BRPF3: variants seen among roughly 807,000 people sequenced by gnomAD.
BRPF3 encodes bromodomain and PHD finger containing 3.
A neutral mutation model predicts 102.0 loss-of-function variants in BRPF3; 18 were observed. The ratio of observed to expected loss-of-function variants is 0.18; its 90% CI spans 0.12 to 0.26. BRPF3 has a LOEUF of 0.26. BRPF3 is among the 10% of genes least tolerant of loss of function. The probability of loss-of-function intolerance (pLI) is 1.00; values close to 1 mark genes in which losing one functional copy is unlikely to be tolerated. For missense variants in BRPF3, 1,147 were observed against 1,567.8 expected (o/e 0.73, Z 4.53); for synonymous variants, 570 against 614.2 (o/e 0.93, Z 1.06).
intron 7 of BRPF3, 125 bp from the exon 8 acceptor site, chr6:36,213,755 C>T (rs1375794006): frequency 8.1e-6 from 8 of 983,830 alleles, no homozygotes; most frequent in East Asian, 2.4e-5. Context: ...GATCTAAGAC[C>T]TTGAATGCAT....
chr6:36,225,297 G>A lies in BRPF3; in HGVS notation c.3212G>A (p.Arg1071His), dbSNP rs370467092. The change falls in exon 11 of 13, where the codon CGC (arginine) becomes CAC (histidine). Residue 1071 changes from arginine to histidine, a missense_variant. Around this residue, in one of 11 missense-constraint regions of BRPF3, gnomAD observed 379 missense variants for 426.3 expected, o/e 0.89. Transcript: ENST00000357641. ...AGCCTCCTGCTGCCCTTTGAAGACC[G>A]CGGAGACCTGGAGCCCTTGGAGCTG... is the stretch of plus-strand genomic sequence containing the variant. ...GRSLLLPFED[R>H]GDLEPLELVW... The A allele has an allele frequency of 1.2e-5, 19 of 1,609,830 alleles. No individual in the cohort carries two copies. The highest frequency in any genetic ancestry group is 1.5e-5 in the Non-Finnish European group (18 of 1,179,990).
chr6:36,212,843 C>G (rs886665821), intron 7 of BRPF3, among the ~76,000 whole-genome samples: 1 of 151,974 alleles, frequency 6.6e-6, no homozygotes, highest in African/African-American at 2.4e-5. Flanking sequence ...GTCCCAGCTA[C>G]TGGGGAGGCT....
At chr6:36,225,457 CAG>C (rs1351402557) in intron 11 of BRPF3, 93 bp downstream of exon 11, 2 of 1,176,118 alleles carry the variant, frequency 1.7e-6, no homozygotes, top group African/African-American at 3.0e-5. Context: ...TGGTGGGAGT[CAG>C]AGTGTCTTTA....
chr6:36,204,357 G>A (rs1474330061), intron 2 of BRPF3: 2 of 383,316 alleles, frequency 5.2e-6, no homozygotes, highest in South Asian at 2.5e-5. Context: ...TTGTTTTTCA[G>A]TCCGTACGTG....
At chr6:36,203,414 T>C (rs1402232523) in intron 2 of BRPF3, among the ~76,000 whole-genome samples, 1 of 151,290 alleles carries the variant, frequency 6.6e-6, no homozygotes, top group Admixed American at 6.6e-5. Context: ...TATTTTATTA[T>C]TGCTGTTCTT....
rs2127299592 is a variant in BRPF3, at chr6:36,230,774, C to T, written c.*165C>T. 1.1e-6 allele frequency: 1 copy of T among 870,610 alleles called. No individual in the cohort carries two copies. The highest frequency in any genetic ancestry group is 1.7e-6 in the Non-Finnish European group (1 of 579,862). The allele number at this position is 870,610 out of a possible 1,614,324, so 53.9% of individuals were successfully genotyped here. A position where few individuals can be genotyped will look rare whatever the true frequency, so the allele number is the denominator to read the frequency against. On this transcript the variant is annotated 3_prime_UTR_variant, in exon 13 of 13. Coordinates refer to ENST00000357641, the MANE Select transcript of BRPF3 (RefSeq NM_015695.3). This position sits in a 1 kb window ranked among gnomAD's most constrained non-coding sequence, Gnocchi z 5.4. Reference sequence around the variant, plus strand: ...GGGCAAGGCCCCAGTTTTGACCAATCGCATGGTTCTCCTGGCAGGCCTGCT... The same window carrying T: ...GGGCAAGGCCCCAGTTTTGACCAATTGCATGGTTCTCCTGGCAGGCCTGCT...
In BRPF3 at chr6:36,201,572, A is replaced by G; in HGVS notation, c.1250A>G (p.Asp417Gly). 3.7e-6 allele frequency: 6 copies of G among 1,614,008 alleles called. No homozygotes were observed. The highest frequency in any genetic ancestry group is 5.1e-6 in the Non-Finnish European group (6 of 1,179,936). ...GATGAGGAAGGGCTGAAGGAGGGTGATGGAGAGGAGGAAGAAGAGGAAGAG... is the reference window on the plus strand; with the variant it reads ...GATGAGGAAGGGCTGAAGGAGGGTGGTGGAGAGGAGGAAGAAGAGGAAGAG... ...TGDEEGLKEG[D>G]GEEEEEEEVE... Residue 417 changes from aspartate to glycine, a missense_variant, in exon 2 of 13, where the codon GAT becomes GGT. Physicochemically the swap from Asp to Gly is moderately conservative, Grantham distance 94. Coordinates refer to ENST00000357641, the MANE Select transcript of BRPF3 (RefSeq NM_015695.3). This position sits in a 1 kb window ranked among gnomAD's most constrained non-coding sequence, Gnocchi z 5.1.
chr6:36,230,243 T>C lies in BRPF3; in HGVS notation c.3435-183T>C, dbSNP rs1768892749. 6.6e-6 allele frequency among the ~76,000 whole-genome samples: 1 copy of C among 151,994 alleles called. No individual in the cohort carries two copies. Among genetic ancestry groups the C allele is most frequent in the South Asian group, 2.1e-4 (1 of 4,800 alleles). ...CATTCCCCCACCCGACTCCTGCATATCCTGCTTGCTGTCCTCACCTGCTAG... is the reference window on the plus strand; with the variant it reads ...CATTCCCCCACCCGACTCCTGCATACCCTGCTTGCTGTCCTCACCTGCTAG... On this transcript the variant is annotated intron_variant, in intron 12 of 12. Transcript: ENST00000357641. The surrounding 1 kb of genome is among the most constrained non-coding windows in gnomAD (Gnocchi z 5.4).
Position 36,210,159 on chromosome 6 carries a change from G to T in BRPF3, c.1867-57G>T. On this transcript the variant is annotated intron_variant, in intron 5 of 12. Coordinates refer to ENST00000357641, the MANE Select transcript of BRPF3 (RefSeq NM_015695.3). The surrounding 1 kb of genome is among the most constrained non-coding windows in gnomAD (Gnocchi z 4.7). ...AGGAGGCCAAGAGTATTGGTGAAGG[G>T]TGTGTCTGTTTGGCTAGTAAATGGT... The T allele has an allele frequency of 6.3e-7, 1 of 1,582,442 alleles. No homozygotes were observed. Among genetic ancestry groups the T allele is most frequent in the Non-Finnish European group, 8.7e-7 (1 of 1,151,900 alleles).
intron 11 of BRPF3, among the ~76,000 whole-genome samples, chr6:36,225,919 G>A (rs370928014): frequency 2.6e-5 from 4 of 152,304 alleles, no homozygotes; most frequent in South Asian, 2.1e-4. Context: ...TACAAAAAAT[G>A]TATAAATATG....
chr6:36,198,423 T>C (rs572974678), intron 1 of BRPF3, among the ~76,000 whole-genome samples: 12 of 152,310 alleles, frequency 7.9e-5, no homozygotes, highest in African/African-American at 2.4e-4. Context: ...AGAGCCTCGT[T>C]TTGTACCAGA....
chr6:36,197,293 C>T (rs1767532137), intron 1 of BRPF3: 2 of 152,232 alleles, frequency 1.3e-5, no homozygotes, highest in Non-Finnish European at 2.9e-5. Context: ...TTGAGCGGCC[C>T]TAGGTCCCCT....
chr6:36,214,266 G>A lies in BRPF3; in HGVS notation c.2869G>A (p.Ala957Thr), dbSNP rs775832548. 1.9e-6 allele frequency: 3 copies of A among 1,613,612 alleles called. No homozygotes were observed. In the African/African-American group the frequency reaches 4.0e-5, roughly 22 times the overall value. Residue 957 changes from alanine (A) to threonine (T), a missense_variant, in exon 8 of 13, where the codon GCA becomes ACA. Physicochemically the swap from Ala to Thr is moderately conservative, Grantham distance 58. Transcript: ENST00000357641. Reference protein sequence around the residue: ...VLENGEDHGVAGSPASPASIE... With the variant: ...VLENGEDHGVTGSPASPASIE... ...GGAGAATGGCGAGGACCATGGTGTG[G>A]CAGGCTCTCCTGCCTCTCCAGCCAG...
intron 10 of BRPF3, among the ~76,000 whole-genome samples, chr6:36,224,631 G>A (rs1344242068): frequency 6.6e-6 from 1 of 152,170 alleles, no homozygotes. Flanking sequence ...TGTCCATGAA[G>A]CCTCCATCAT....
intron 10 of BRPF3, among the ~76,000 whole-genome samples, chr6:36,225,040 G>A (rs1244221277): frequency 6.6e-6 from 1 of 152,208 alleles, no homozygotes; most frequent in Non-Finnish European, 1.5e-5. Flanking sequence ...CAGAGGCCGT[G>A]TTGCCCACAG....
intron 7 of BRPF3, 34 bp downstream of exon 7, chr6:36,211,594 A>G (rs1377493761): frequency 1.8e-5 from 28 of 1,540,384 alleles, no homozygotes; most frequent in Non-Finnish European, 2.3e-5. Flanking sequence ...AGGGGGTTGG[A>G]GGGTAAAGAG....
chr6:36,228,856 A>C (rs375697444), intron 11 of BRPF3, 46 bp from the exon 12 acceptor site: 3 of 1,608,364 alleles, frequency 1.9e-6, no homozygotes, highest in Middle Eastern at 1.7e-4. Flanking sequence ...GGCACTGCTC[A>C]CCCTGGCCTC....
chr6:36,198,062 T>C (rs1767568276), intron 1 of BRPF3, among the ~76,000 whole-genome samples: 1 of 152,130 alleles, frequency 6.6e-6, no homozygotes, highest in Non-Finnish European at 1.5e-5. Context: ...GCAGGTCTGT[T>C]GGCCCTGTCT....
intron 8 of BRPF3, among the ~76,000 whole-genome samples, chr6:36,215,552 A>G (rs1357560137): frequency 1.3e-5 from 2 of 152,264 alleles, no homozygotes; most frequent in East Asian, 1.9e-4. Flanking sequence ...GAGAAATCAC[A>G]GTGGTGGACA....
Sources: allele counts gnomAD v4.1 joint callset (sites outside exome capture counted in the v4.1 genomes callset), GRCh38; gene constraint gnomAD v4.1.1; regional missense constraint gnomAD v4.1.1; non-coding constraint Gnocchi (gnomAD v3.1); transcripts MANE v1.5; gene names NCBI Gene and HGNC (gene_info 2026-07-23, HGNC 2026-07-21).